The following ADH7 variants were observed in gnomAD, a reference collection of about 807,000 sequenced individuals.
The protein encoded by ADH7 is all-trans-retinol dehydrogenase [NAD(+)] ADH7.
Under a neutral mutation model 34.4 loss-of-function variants are expected in ADH7, and 41 were observed. That is an observed-to-expected ratio of 1.19 (90% CI 0.93 to 1.55). The LOEUF is 1.55. Among genes scored for constraint, ADH7 ranks in the 40% most tolerant of loss-of-function variants. The pLI is 0.00. For missense variants in ADH7, 540 were observed against 461.2 expected (o/e 1.17, Z -1.56); for synonymous variants, 180 against 160.9 (o/e 1.12, Z -0.90).
rs763118768 is a variant in ADH7 at position 99,420,816 on chromosome 4, A to G, written c.565-23T>C. On this transcript the variant is annotated intron_variant, in intron 5 of 8. Coordinates refer to ENST00000437033, the MANE Select transcript of ADH7 (RefSeq NM_000673.7). ...GACCTGTGGAGAGGAATGTTCTTGA[A>G]CATGTTAGGTGTTAGGGTCAAAAAG... The G allele has an allele frequency of 7.4e-6, 12 of 1,611,848 alleles. No homozygotes were observed. The Admixed American group carries it at 2.0e-4, about 27-fold the overall frequency.
intron 5 of ADH7, among the ~76,000 whole-genome samples, chr4:99,425,147 T>G (rs1721769735): frequency 6.6e-6 from 1 of 150,960 alleles, no homozygotes; most frequent in Admixed American, 6.6e-5. Flanking sequence ...AGAAACTGCA[T>G]CAACTAATGA....
intron 5 of ADH7, among the ~76,000 whole-genome samples, chr4:99,424,440 A>G (rs2110137304): frequency 6.6e-6 from 1 of 152,286 alleles, no homozygotes; most frequent in East Asian, 1.9e-4. Flanking sequence ...CTTGATGGGG[A>G]TGGCATTGAA....
chr4:99,417,311 C>G (rs1182740287), intron 7 of ADH7, among the ~76,000 whole-genome samples: 1 of 152,136 alleles, frequency 6.6e-6, no homozygotes, highest in Non-Finnish European at 1.5e-5. Flanking sequence ...TGTGACTGTT[C>G]TTCTGTCCTC....
intron 1 of ADH7, among the ~76,000 whole-genome samples, chr4:99,430,809 T>C (rs1349785975): frequency 6.6e-6 from 1 of 151,094 alleles, no homozygotes; most frequent in Non-Finnish European, 1.5e-5. Context: ...TTTTTTATTA[T>C]TTTTTTTTAG....
At position 99,422,005 on chromosome 4, in the gene ADH7, G is replaced by A. The variant is rs561442486; in HGVS notation, c.565-1212C>T. ...ATTATTAAAAAGTCAGGAAACAATC[G>A]ATGCTCGTGATGCTATGGAGAAATA... On this transcript the variant is annotated intron_variant, in intron 5 of 8. Coordinates refer to ENST00000437033, the MANE Select transcript of ADH7 (RefSeq NM_000673.7). Among the ~76,000 whole-genome samples, 15 of 152,124 alleles carry A rather than the reference G, an allele frequency of 9.9e-5. No individual in the cohort carries two copies. The South Asian group carries it at 2.3e-3, about 23-fold the overall frequency.
At chr4:99,417,207 A>G (rs1353232393) in intron 7 of ADH7, among the ~76,000 whole-genome samples, 1 of 152,070 alleles carries the variant, frequency 6.6e-6, no homozygotes, top group Non-Finnish European at 1.5e-5. Flanking sequence ...CTCCCTCAGA[A>G]GCCTCTGTGG....
intron 3 of ADH7, 121 bp downstream of exon 3, chr4:99,428,371 C>T: frequency 7.4e-7 from 1 of 1,352,334 alleles, no homozygotes; most frequent in East Asian, 2.3e-5. Flanking sequence ...ATTCTTGTAT[C>T]CTTTTAATTC....
chr4:99,428,992 A>G (rs1003386822), intron 2 of ADH7, among the ~76,000 whole-genome samples: 1 of 152,180 alleles, frequency 6.6e-6, no homozygotes, highest in African/African-American at 2.4e-5. Flanking sequence ...ATGGCATGCA[A>G]GAAGGTAAGC....
chr4:99,424,783 A>C (rs1424483277), intron 5 of ADH7, among the ~76,000 whole-genome samples: 1 of 151,856 alleles, frequency 6.6e-6, no homozygotes, highest in African/African-American at 2.4e-5. Context: ...GGGCTGAGAC[A>C]ATGGGGTTTT....
chr4:99,418,867 AT>A lies in ADH7; in HGVS notation c.961+118del, dbSNP rs1479702758. The A allele has an allele frequency of 3.3e-6, 4 of 1,217,172 alleles. No individual in the cohort carries two copies. In the African/African-American group the frequency reaches 4.6e-5, roughly 14 times the overall value. 75.4% of individuals were successfully genotyped at this position (1,217,172 alleles called of 1,614,324 possible). A position where few individuals can be genotyped will look rare whatever the true frequency, so the allele number is the denominator to read the frequency against. Reference sequence around the variant, plus strand: ...TTTGTGTTATTATGATCACAGTTCCATTTTAGATCACTTCATACTCATTCTT... The same window carrying A: ...TTTGTGTTATTATGATCACAGTTCCATTTAGATCACTTCATACTCATTCTT... On this transcript the variant is annotated intron_variant, in intron 7 of 8. Transcript: ENST00000437033.
At chr4:99,425,590 G>T (rs1303882849) in intron 5 of ADH7, among the ~76,000 whole-genome samples, 2 of 152,040 alleles carry the variant, frequency 1.3e-5, no homozygotes, top group African/African-American at 2.4e-5. Flanking sequence ...AAGAGACTTA[G>T]ACTCCCACAC....
intron 1 of ADH7, chr4:99,434,949 G>A: frequency 2.4e-6 from 3 of 1,263,656 alleles, no homozygotes; most frequent in Non-Finnish European, 3.3e-6. Flanking sequence ...ATCAAATTAT[G>A]AATAATGCCA....
intron 1 of ADH7, among the ~76,000 whole-genome samples, chr4:99,430,583 A>C: frequency 6.6e-6 from 1 of 152,200 alleles, no homozygotes; most frequent in Non-Finnish European, 1.5e-5. Context: ...ATGGATTCTT[A>C]AGTGGCTCTT....
chr4:99,419,228 C>G (rs1432869515), intron 6 of ADH7, 107 bp from the exon 7 acceptor site: 1 of 1,346,646 alleles, frequency 7.4e-7, no homozygotes, highest in East Asian at 2.6e-5. Context: ...TTAAATTAAG[C>G]CACCTTGTTT....
chr4:99,416,485 T>C (rs1310786218), intron 7 of ADH7, among the ~76,000 whole-genome samples: 1 of 152,156 alleles, frequency 6.6e-6, no homozygotes, highest in Non-Finnish European at 1.5e-5. Context: ...TCTGAAACAC[T>C]CTGTTCCCTT....
intron 1 of ADH7, among the ~76,000 whole-genome samples, chr4:99,431,794 T>C (rs1209173344): frequency 6.6e-6 from 1 of 152,178 alleles, no homozygotes; most frequent in East Asian, 1.9e-4. Flanking sequence ...TCAGTCAGAA[T>C]GACTATTGCT....
chr4:99,413,155 G>T lies in ADH7; in HGVS notation c.1118C>A (p.Thr373Lys). The change falls in exon 9 of 9, where the codon ACG becomes AAG. Residue 373 changes from threonine to lysine, a missense_variant. Thr to Lys is a moderately conservative substitution (Grantham distance 78, BLOSUM62 -1). Transcript: ENST00000437033. ...CTCCTGCCACTTTGGATCTCAAAAC[G>T]TCAGGACCGTTCGAATGCTGAAATG... ...NSGQSIRTVL[T>K]F is the part of the protein sequence containing the mutation. The T allele has an allele frequency of 6.2e-7, 1 of 1,613,528 alleles. No homozygotes were observed. The highest frequency in any genetic ancestry group is 8.5e-7 in the Non-Finnish European group (1 of 1,179,612).
intron 5 of ADH7, among the ~76,000 whole-genome samples, chr4:99,426,080 A>G (rs887621246): frequency 2.0e-5 from 3 of 152,222 alleles, no homozygotes; most frequent in African/African-American, 4.8e-5. Flanking sequence ...AGAAATTTAC[A>G]GCACTAAATG....
chr4:99,429,704 A>C lies in ADH7; in HGVS notation c.19-71T>G, dbSNP rs141743062. On this transcript the variant is annotated intron_variant, in intron 1 of 8. Coordinates refer to ENST00000437033, the MANE Select transcript of ADH7 (RefSeq NM_000673.7). ...ACTTACAGACTCCCTGACTAGTATA[A>C]ATATGAACAGAAGAGCATATATAAT... 4.9e-4 allele frequency: 508 copies of C among 1,037,266 alleles called. 4 individuals are homozygous for C. In the African/African-American group the frequency reaches 7.2e-3, roughly 15 times the overall value. The allele number at this position is 1,037,266 out of a possible 1,614,324, so 64.3% of individuals were successfully genotyped here.
Sources: allele counts gnomAD v4.1 joint callset (sites outside exome capture counted in the v4.1 genomes callset), GRCh38; gene constraint gnomAD v4.1.1; transcripts MANE v1.5; gene names NCBI Gene and HGNC (gene_info 2026-07-23, HGNC 2026-07-21).